PRUNE2: variants seen among roughly 807,000 people sequenced by gnomAD.
The protein encoded by PRUNE2 is prune homolog 2 with BCH domain.
In PRUNE2, 164 loss-of-function variants were observed where a neutral mutation model predicts 252.0. That is an observed-to-expected ratio of 0.65 (90% CI 0.57 to 0.74). The LOEUF is 0.74. Ranked by LOEUF, PRUNE2 falls within the 30% of genes least tolerant of loss-of-function variation. The probability of loss-of-function intolerance (pLI) is 0.00; values close to 1 mark genes in which losing one functional copy is unlikely to be tolerated. For synonymous variants in PRUNE2, 1,292 were observed against 1,350.2 expected, an observed-to-expected ratio of 0.96 and a Z score of 0.94; for missense variants, 3,495 against 3,711.0, an observed-to-expected ratio of 0.94 and a Z score of 1.51.
At chr9:76,755,529 A>T (rs114535134) in intron 6 of PRUNE2, among the ~76,000 whole-genome samples, 162 of 152,218 alleles carry the variant, frequency 1.1e-3, no homozygotes, top group African/African-American at 3.7e-3. Flanking sequence ...TGGACAAAGA[A>T]CGCTGGGAGG....
intron 1 of PRUNE2, among the ~76,000 whole-genome samples, chr9:76,864,012 T>C (rs2060696967): frequency 6.6e-6 from 1 of 152,020 alleles, no homozygotes; most frequent in South Asian, 2.1e-4. Context: ...CACAGCGCTA[T>C]TCCCAACAGC....
chr9:76,857,453 C>G (rs2060320325), intron 1 of PRUNE2, among the ~76,000 whole-genome samples: 1 of 152,032 alleles, frequency 6.6e-6, no homozygotes, highest in Admixed American at 6.6e-5. Flanking sequence ...CAGAAAGGGA[C>G]AGCCCAACCA....
chr9:76,780,527 A>G (rs2054267254), intron 6 of PRUNE2, among the ~76,000 whole-genome samples: 2 of 152,012 alleles, frequency 1.3e-5, no homozygotes, highest in Non-Finnish European at 2.9e-5. Context: ...TTCTAATAAA[A>G]AAAAATACAA....
chr9:76,688,599 C>T (rs2044366249), intron 9 of PRUNE2, among the ~76,000 whole-genome samples: 1 of 152,134 alleles, frequency 6.6e-6, no homozygotes, highest in South Asian at 2.1e-4. Context: ...AAACTACCTC[C>T]CTTCTTTCCA....
chr9:76,790,910 G>A (rs1234506005), intron 6 of PRUNE2, among the ~76,000 whole-genome samples: 1 of 152,190 alleles, frequency 6.6e-6, no homozygotes, highest in Non-Finnish European at 1.5e-5. Flanking sequence ...GACAGTTAAT[G>A]ACCAAACTTT....
intron 1 of PRUNE2, among the ~76,000 whole-genome samples, chr9:76,886,352 C>G (rs117884044): frequency 6.6e-6 from 1 of 152,150 alleles, no homozygotes; most frequent in Non-Finnish European, 1.5e-5. Context: ...TCTAATTCCA[C>G]GACCCTTGTT....
intron 9 of PRUNE2, among the ~76,000 whole-genome samples, chr9:76,666,757 C>A (rs939184232): frequency 2.6e-5 from 4 of 152,162 alleles, no homozygotes; most frequent in African/African-American, 9.7e-5. Context: ...TTTCTTTTAT[C>A]TCTTTGTCTT....
chr9:76,670,755 A>G (rs902143473), intron 9 of PRUNE2, among the ~76,000 whole-genome samples: 69 of 151,916 alleles, frequency 4.5e-4, no homozygotes, highest in African/African-American at 1.6e-3. Flanking sequence ...CTGACCCCCG[A>G]GCAGCCTAAC....
intron 6 of PRUNE2, among the ~76,000 whole-genome samples, chr9:76,812,830 C>T (rs979452205): frequency 6.6e-5 from 10 of 152,230 alleles, no homozygotes; most frequent in Non-Finnish European, 1.2e-4. Flanking sequence ...CCGGAGCTGA[C>T]GTGTAACTGT....
At chr9:76,689,122 C>G (rs2044432451) in intron 9 of PRUNE2, among the ~76,000 whole-genome samples, 2 of 152,176 alleles carry the variant, frequency 1.3e-5, no homozygotes, top group Admixed American at 1.3e-4. Flanking sequence ...CTCTCCTCCC[C>G]ACACTAGAGT....
intron 17 of PRUNE2, among the ~76,000 whole-genome samples, chr9:76,622,529 C>T (rs747704533): frequency 2.6e-5 from 4 of 152,004 alleles, no homozygotes; most frequent in Non-Finnish European, 5.9e-5. Flanking sequence ...TTCAAAATAG[C>T]GCTTTAATTT....
chr9:76,769,245 C>T (rs191252969), intron 6 of PRUNE2, among the ~76,000 whole-genome samples: 1 of 152,314 alleles, frequency 6.6e-6, no homozygotes, highest in Admixed American at 6.5e-5. Context: ...ATTATACACA[C>T]TATTCTGCAG....
At position 76,633,659 on chromosome 9, in the gene PRUNE2, T is replaced by G. The variant is rs563145104; in HGVS notation, c.9050+2812A>C. ...TCCTACGGCTGCTTTTGCTCTATAA[T>G]GGCAGAATTGAGTAGCTGTAACTGA... On this transcript the variant is annotated intron_variant, in intron 15 of 18. Coordinates refer to ENST00000376718, the MANE Select transcript of PRUNE2 (RefSeq NM_015225.3). Among the ~76,000 whole-genome samples the G allele has an allele frequency of 1.2e-4, 19 of 152,262 alleles. No individual in the cohort carries two copies. In the East Asian group the frequency reaches 3.7e-3, roughly 29 times the overall value.
intron 9 of PRUNE2, among the ~76,000 whole-genome samples, chr9:76,688,311 T>C (rs1045402868): frequency 6.6e-6 from 1 of 152,236 alleles, no homozygotes; most frequent in African/African-American, 2.4e-5. Flanking sequence ...GACCATGACC[T>C]AAGGCTGATG....
chr9:76,820,776 T>C (rs2057993352), intron 6 of PRUNE2, among the ~76,000 whole-genome samples: 1 of 152,186 alleles, frequency 6.6e-6, no homozygotes, highest in Non-Finnish European at 1.5e-5. Flanking sequence ...TCAACCATAG[T>C]TGTCTGGAAG....
chr9:76,871,544 CT>C (rs2061199780), intron 1 of PRUNE2, among the ~76,000 whole-genome samples: 1 of 152,200 alleles, frequency 6.6e-6, no homozygotes, highest in Non-Finnish European at 1.5e-5. Flanking sequence ...CTGCTCAGCC[CT>C]TCCTCACTCT....
intron 6 of PRUNE2, among the ~76,000 whole-genome samples, chr9:76,805,692 C>T (rs1189745032): frequency 6.6e-6 from 1 of 152,214 alleles, no homozygotes; most frequent in Non-Finnish European, 1.5e-5. Flanking sequence ...ACCAGAACTA[C>T]TAAATTGTGT....
chr9:76,619,774 A>G (rs910190311), intron 17 of PRUNE2, among the ~76,000 whole-genome samples: 2 of 152,200 alleles, frequency 1.3e-5, no homozygotes, highest in Non-Finnish European at 2.9e-5. Flanking sequence ...ACCCATGAAC[A>G]CAGTTAATTT....
rs773601483 is a variant in PRUNE2, at chr9:76,706,617, G to A, written c.5657C>T (p.Pro1886Leu). The A allele has an allele frequency of 1.9e-6, 3 of 1,613,936 alleles. No homozygotes were observed. The highest frequency in any genetic ancestry group is 2.2e-5 in the East Asian group (1 of 44,868). The change falls in exon 8 of 19, where the codon CCT becomes CTT. Residue 1886 changes from proline to leucine, a missense_variant. By Grantham distance (98) the Pro-to-Leu change is moderately conservative. Transcript: ENST00000376718. Reference sequence around the variant, plus strand: ...GGGTGACTGATGGTTGTCACTAAAAGGATTAGTATAGTGTGTTTCCACGGG... The same window carrying A: ...GGGTGACTGATGGTTGTCACTAAAAAGATTAGTATAGTGTGTTTCCACGGG... ...IEPVETHYTN[P>L]FSDNHQSPFL...
Sources: gnomAD v4.1 joint callset for allele counts (sites outside exome capture counted in the v4.1 genomes callset) on GRCh38, gnomAD v4.1.1 for gene constraint, MANE v1.5 for transcripts, NCBI Gene and HGNC (gene_info 2026-07-23, HGNC 2026-07-21) for gene names.